Variants in COL20A1 observed in about 807,000 individuals in gnomAD.
COL20A1 encodes collagen type XX alpha 1 chain.
Under a neutral mutation model 152.9 loss-of-function variants are expected in COL20A1, and 164 were observed. The observed-to-expected ratio is 1.07, with a 90% CI of 0.94 to 1.22. The LOEUF (loss-of-function observed/expected upper bound fraction) is 1.22. Among genes scored for constraint, COL20A1 ranks in the 50% most tolerant of loss-of-function variants. COL20A1 has a pLI of 0.00. For synonymous variants in COL20A1, 864 were observed against 756.0 expected, an observed-to-expected ratio of 1.14 and a Z score of -2.34; for missense variants, 1,873 against 1,744.8, an observed-to-expected ratio of 1.07 and a Z score of -1.31.
At chr20:63,327,524 C>G (rs893307291) in intron 31 of COL20A1, 1 of 202,550 alleles carries the variant, frequency 4.9e-6, no homozygotes, top group Non-Finnish European at 1.0e-5. Flanking sequence ...CTCCATGGGC[C>G]CCCCCTTAGG....
chr20:63,325,661 C>T lies in COL20A1; in HGVS notation c.3349-7C>T. 3.7e-6 allele frequency: 6 copies of T among 1,607,264 alleles called. No homozygotes were observed. Among genetic ancestry groups the T allele is most frequent in the Admixed American group, 1.7e-5 (1 of 59,392 alleles). The stretch of plus-strand genomic sequence containing the variant: ...CCTGCCTGGCCGGCCCCTCTGTTCT[C>T]TCCCAGGGCCACCCCGGCCACCAGG... On this transcript the variant is annotated splice_region_variant and splice_polypyrimidine_tract_variant and intron_variant, in intron 28 of 35. Coordinates refer to ENST00000358894, the MANE Select transcript of COL20A1 (RefSeq NM_020882.4).
intron 1 of COL20A1, 40 bp from the exon 2 acceptor site, chr20:63,295,057 CG>C (rs984643516): frequency 3.8e-6 from 5 of 1,331,152 alleles, no homozygotes; most frequent in African/African-American, 2.9e-5. Context: ...AGAGGACAGA[CG>C]GGGGGACGGC....
intron 20 of COL20A1, among the ~76,000 whole-genome samples, chr20:63,316,027 C>T (rs553752001): frequency 1.5e-4 from 23 of 152,148 alleles, no homozygotes; most frequent in South Asian, 8.3e-4. Flanking sequence ...CGGTGGGGCT[C>T]GCCAGGGAAT....
At chr20:63,299,435 T>C (rs2067839026) in intron 3 of COL20A1, among the ~76,000 whole-genome samples, 1 of 152,232 alleles carries the variant, frequency 6.6e-6, no homozygotes, top group African/African-American at 2.4e-5. Flanking sequence ...TGTTCAGTGG[T>C]ATCCTGTGTT....
Position 63,316,535 on chromosome 20 carries a change from C to T in COL20A1, c.2525-18C>T, listed in dbSNP as rs1236095181. The T allele has an allele frequency of 1.3e-6, 2 of 1,582,946 alleles. No homozygotes were observed. Among genetic ancestry groups the T allele is most frequent in the Admixed American group, 3.6e-5 (2 of 55,098 alleles). On this transcript the variant is annotated intron_variant, in intron 20 of 35. Transcript: ENST00000358894. ...TCTGAGGGTCCCTCGGTGCCCCTTC[C>T]CCCACCATCTTCCCCAGGGTTTGAC...
At position 63,297,383 on chromosome 20, in the gene COL20A1, A is replaced by ACCCAGCCCAGGGGACTCAGCCCAGGGGC. The variant is rs1171238905; in HGVS notation, c.83-510_83-483dup. Among the ~76,000 whole-genome samples the ACCCAGCCCAGGGGACTCAGCCCAGGGGC allele has an allele frequency of 5.4e-5, 8 of 149,056 alleles. No homozygotes were observed. In the South Asian group the frequency reaches 8.6e-4, roughly 16 times the overall value. Reference sequence around the variant, plus strand: ...CAGCTCAGGGGACTCAGCTCAGGGGACCCAGCCCAGGGGACTCAGCCCAGG... The same window carrying ACCCAGCCCAGGGGACTCAGCCCAGGGGC: ...CAGCTCAGGGGACTCAGCTCAGGGGACCCAGCCCAGGGGACTCAGCCCAGGGGCCCCAGCCCAGGGGACTCAGCCCAGG... On this transcript the variant is annotated intron_variant, in intron 2 of 35. Coordinates refer to ENST00000358894, the MANE Select transcript of COL20A1 (RefSeq NM_020882.4).
intron 2 of COL20A1, among the ~76,000 whole-genome samples, chr20:63,295,520 C>T (rs2067778605): frequency 6.6e-6 from 1 of 152,098 alleles, no homozygotes; most frequent in Non-Finnish European, 1.5e-5. Context: ...TTCCCTCCTG[C>T]CTGCTTCCCA....
intron 26 of COL20A1, 24 bp from the exon 27 acceptor site, chr20:63,322,034 T>G: frequency 1.3e-6 from 2 of 1,510,550 alleles, no homozygotes; most frequent in Middle Eastern, 1.8e-4. Flanking sequence ...TTCTGGGGGC[T>G]TAGCCCTGTT....
chr20:63,310,126 G>A (rs2067985382), intron 10 of COL20A1, among the ~76,000 whole-genome samples: 1 of 152,196 alleles, frequency 6.6e-6, no homozygotes, highest in African/African-American at 2.4e-5. Flanking sequence ...GAGGAGGGCA[G>A]AGCAGGGGGC....
chr20:63,311,744 G>T lies in COL20A1; in HGVS notation c.1659G>T (p.Arg553Ser). 1 of 1,590,974 alleles carries T rather than the reference G, an allele frequency of 6.3e-7. No individual in the cohort carries two copies. ...EGSEARGIRARTPTLAPPRHL... is the reference protein window; with the variant it reads ...EGSEARGIRASTPTLAPPRHL... ...GCGAGGCCCGGGGCATCCGTGCCAG[G>T]ACCCGTGAGTGCTCCAACCCCGGCT... Residue 553 changes from arginine (R) to serine (S), a missense_variant, in exon 13 of 36, where the codon AGG (arginine) becomes AGT (serine). Coordinates refer to ENST00000358894, the MANE Select transcript of COL20A1 (RefSeq NM_020882.4). The surrounding 1 kb of genome is among the most constrained non-coding windows in gnomAD (Gnocchi z 4.4).
intron 8 of COL20A1, 61 bp from the exon 9 acceptor site, chr20:63,309,272 G>T: frequency 7.6e-7 from 1 of 1,309,636 alleles, no homozygotes; most frequent in Non-Finnish European, 1.0e-6. Flanking sequence ...GACCCCCACC[G>T]CAGGTGGCCC....
At position 63,319,552 on chromosome 20, in the gene COL20A1, G is replaced by A. The variant is rs764959394; in HGVS notation, c.2872G>A (p.Asp958Asn). The change falls in exon 23 of 36, where the codon GAC becomes AAC. Residue 958 changes from aspartate (D) to asparagine (N), a missense_variant. Asp to Asn is a conservative substitution (Grantham distance 23). Transcript: ENST00000358894. The surrounding 1 kb of genome is among the most constrained non-coding windows in gnomAD (Gnocchi z 4.4). ...PRAALQEATF[D>N]PQEVRKIFFG... is the part of the protein sequence containing the mutation. Reference sequence around the variant, plus strand: ...GGCTGCCTTGCAGGAGGCCACCTTCGACCCGCAGGAAGTGAGGAAGATTTT... The same window carrying A: ...GGCTGCCTTGCAGGAGGCCACCTTCAACCCGCAGGAAGTGAGGAAGATTTT... The A allele has an allele frequency of 1.0e-5, 16 of 1,597,498 alleles. No individual in the cohort carries two copies. The Admixed American group carries it at 1.0e-4, about 10-fold the overall frequency.
chr20:63,314,027 A>G lies in COL20A1; in HGVS notation c.2359-45A>G, dbSNP rs375956204. On this transcript the variant is annotated intron_variant, in intron 18 of 35. Coordinates refer to ENST00000358894, the MANE Select transcript of COL20A1 (RefSeq NM_020882.4). ...AGGCAGCTGAGCCGCGTGGACGAGC[A>G]AAGTTGCCCAGGAAGTGGGGACCAG... 1.1e-5 allele frequency: 17 copies of G among 1,611,524 alleles called. No homozygotes were observed. In the African/African-American group the frequency reaches 2.0e-4, roughly 19 times the overall value.
rs1004087008 is a variant in COL20A1 at position 63,305,660 on chromosome 20, C to G, written c.337+100C>G. 124 of 1,361,082 alleles carry G rather than the reference C, an allele frequency of 9.1e-5. No individual in the cohort carries two copies. In the African/African-American group the frequency reaches 1.7e-3, roughly 19 times the overall value. 84.3% of individuals were successfully genotyped at this position (1,361,082 alleles called of 1,614,324 possible). On this transcript the variant is annotated intron_variant, in intron 4 of 35. Coordinates refer to ENST00000358894, the MANE Select transcript of COL20A1 (RefSeq NM_020882.4). This position sits in a 1 kb window ranked among gnomAD's most constrained non-coding sequence, Gnocchi z 4.9. ...CCCTCCTCCAGGCTGCGTTCCAGCC[C>G]CAGGGGTGGGTATGTGTGAAGCAGT...
Position 63,313,109 on chromosome 20 carries a change from C to T in COL20A1, c.2077-8C>T, listed in dbSNP as rs1310941064. 1.2e-6 allele frequency: 2 copies of T among 1,604,158 alleles called. No individual in the cohort carries two copies. The highest frequency in any genetic ancestry group is 1.1e-5 in the South Asian group (1 of 89,440). On this transcript the variant is annotated splice_polypyrimidine_tract_variant and splice_region_variant and intron_variant, in intron 16 of 35. Transcript: ENST00000358894. The surrounding 1 kb of genome is among the most constrained non-coding windows in gnomAD (Gnocchi z 5.9). ...ACCCGGTGACCCCTGGGGCTCTCCT[C>T]TCCCTAGATCTCTGTCCCAGGGAAC...
chr20:63,319,237 G>A lies in COL20A1; in HGVS notation c.2806+37G>A, dbSNP rs1453000639. The A allele has an allele frequency of 4.4e-6, 7 of 1,600,336 alleles. No individual in the cohort carries two copies. Among genetic ancestry groups the A allele is most frequent in the Non-Finnish European group, 5.1e-6 (6 of 1,173,184 alleles). ...CCCGCGTCGCCCCCAGCAGTCAGGA[G>A]GAGTAGGGGCAGGGAGGCCCCAGAG... On this transcript the variant is annotated intron_variant, in intron 22 of 35. Transcript: ENST00000358894. This position sits in a 1 kb window ranked among gnomAD's most constrained non-coding sequence, Gnocchi z 4.4.
Position 63,320,360 on chromosome 20 carries a change from C to T in COL20A1, c.3145C>T (p.Pro1049Ser). ...CGATGAGGACCGGTGCTGTGAGCTC[C>T]CTGCCTCGGTGTGCCCCGTCCCTTG... is the stretch of plus-strand genomic sequence containing the variant. ...WADEDRCCEL[P>S]ASRDGETCPA... Residue 1049 changes from proline to serine, a missense_variant, in exon 25 of 36, where the codon CCT becomes TCT. Coordinates refer to ENST00000358894, the MANE Select transcript of COL20A1 (RefSeq NM_020882.4). 1 of 1,611,170 alleles carries T rather than the reference C, an allele frequency of 6.2e-7. No individual in the cohort carries two copies. Among genetic ancestry groups the T allele is most frequent in the Non-Finnish European group, 8.5e-7 (1 of 1,179,806 alleles).
Position 63,306,108 on chromosome 20 carries a change from C to T in COL20A1, c.496+69C>T, listed in dbSNP as rs1478578152. On this transcript the variant is annotated intron_variant, in intron 5 of 35. Transcript: ENST00000358894. This position sits in a 1 kb window ranked among gnomAD's most constrained non-coding sequence, Gnocchi z 6.9. ...ACCTTTGGTTTCCCACATTTCCCAC[C>T]ATGAGGCCAGGAAGTTCTTCCTCGT... 7.1e-7 allele frequency: 1 copy of T among 1,404,690 alleles called. No individual in the cohort carries two copies. The highest frequency in any genetic ancestry group is 1.4e-5 in the African/African-American group (1 of 69,504). 87.0% of individuals were successfully genotyped at this position (1,404,690 alleles called of 1,614,324 possible). A position where few individuals can be genotyped will look rare whatever the true frequency, so the allele number is the denominator to read the frequency against.
rs2068365356 is a variant in COL20A1, at chr20:63,334,088, ACT to A, written c.*3376_*3377del. The stretch of plus-strand genomic sequence containing the variant: ...AGAACTCCTTGCCCAGTGGAGAAAC[ACT>A]CTCCTCTCATGTGTGGAATATCCAC... On this transcript the variant is annotated 3_prime_UTR_variant, in exon 36 of 36. Transcript: ENST00000358894. The A allele has an allele frequency of 6.6e-6, 1 of 151,820 alleles. No individual in the cohort carries two copies. Among genetic ancestry groups the A allele is most frequent in the Admixed American group, 6.6e-5 (1 of 15,258 alleles). The allele number at this position is 151,820 out of a possible 1,614,324, so 9.4% of individuals were successfully genotyped here. A position where few individuals can be genotyped will look rare whatever the true frequency, so the allele number is the denominator to read the frequency against.
Sources: gnomAD v4.1 joint callset for allele counts (sites outside exome capture counted in the v4.1 genomes callset) on GRCh38, gnomAD v4.1.1 for gene constraint, Gnocchi (gnomAD v3.1) non-coding constraint, MANE v1.5 for transcripts, NCBI Gene and HGNC (gene_info 2026-07-23, HGNC 2026-07-21) for gene names.